SYNE1: variants seen among roughly 807,000 people sequenced by gnomAD.
SYNE1 encodes nesprin-1.
A neutral mutation model predicts 1,111.0 loss-of-function variants in SYNE1; 616 were observed. The ratio of observed to expected loss-of-function variants is 0.55; its 90% confidence interval spans 0.52 to 0.59. The LOEUF is 0.59. Ranked by LOEUF, SYNE1 falls within the 20% of genes least tolerant of loss-of-function variation. SYNE1 has a pLI of 0.00. For missense variants in SYNE1, 10,006 were observed against 10,417.0 expected, an observed-to-expected ratio of 0.96 and a Z score of 1.72; for synonymous variants, 3,855 against 3,825.8, an observed-to-expected ratio of 1.01 and a Z score of -0.28.
At chr6:152,433,179 C>T (rs1308623488) in intron 34 of SYNE1, among the ~76,000 whole-genome samples, 1 of 151,806 alleles carries the variant, frequency 6.6e-6, no homozygotes, top group Non-Finnish European at 1.5e-5. Flanking sequence ...ATAAACACTC[C>T]AAGCCCCTGT....
At chr6:152,529,270 T>C (rs1056916883) in intron 4 of SYNE1, among the ~76,000 whole-genome samples, 1 of 152,238 alleles carries the variant, frequency 6.6e-6, no homozygotes, top group African/African-American at 2.4e-5. Context: ...AGAAGGACTA[T>C]TTTGTCATAA....
At chr6:152,468,053 G>A (rs929160271) in intron 16 of SYNE1, among the ~76,000 whole-genome samples, 1 of 152,048 alleles carries the variant, frequency 6.6e-6, no homozygotes, top group Non-Finnish European at 1.5e-5. Flanking sequence ...CAACAAATAA[G>A]CCATTTTAAT....
chr6:152,236,040 C>A, intron 110 of SYNE1, 67 bp downstream of exon 110: 1 of 1,538,638 alleles, frequency 6.5e-7, no homozygotes, highest in Non-Finnish European at 9.0e-7. Flanking sequence ...TCATCCCCCA[C>A]CCGCACTAGC....
intron 34 of SYNE1, 81 bp from the exon 35 acceptor site, chr6:152,430,790 G>C: frequency 7.6e-7 from 1 of 1,317,862 alleles, no homozygotes. Context: ...CTGCAAAGAG[G>C]GAATATTTTC....
Position 152,358,446 on chromosome 6 carries a change from T to A in SYNE1, c.10535A>T (p.Gln3512Leu). Residue 3512 changes from glutamine (Q) to leucine (L), a missense_variant, in exon 66 of 146, where the codon CAA (glutamine) becomes CTA (leucine). Gln to Leu is a moderately radical substitution (Grantham distance 113). This residue lies in a region of SYNE1 where 4,955 missense variants were observed against 5,017.2 expected (regional missense o/e 0.99). Transcript: ENST00000367255. ...KAFEVWLGQE[Q>L]EKLDQYSVLE... ...AACTGAATACTGGTCGAGCTTTTCT[T>A]GTTCTTGCCCCAACCAAACTTCAAA... The A allele has an allele frequency of 6.2e-7, 1 of 1,614,216 alleles. No homozygotes were observed. Among genetic ancestry groups the A allele is most frequent in the Non-Finnish European group, 8.5e-7 (1 of 1,180,030 alleles).
intron 42 of SYNE1, among the ~76,000 whole-genome samples, chr6:152,411,283 G>GA (rs1400489458): frequency 1.4e-4 from 21 of 152,100 alleles, no homozygotes; most frequent in African/African-American, 5.1e-4. Flanking sequence ...CCTTCAGCCT[G>GA]TACCACACTG....
intron 56 of SYNE1, among the ~76,000 whole-genome samples, chr6:152,378,833 T>C (rs1204344419): frequency 1.3e-5 from 2 of 152,232 alleles, no homozygotes; most frequent in African/African-American, 2.4e-5. Context: ...ATTGGCTTTA[T>C]GCTTGCGTAT....
At chr6:152,596,668 G>A (rs183215487) in intron 3 of SYNE1, among the ~76,000 whole-genome samples, 15 of 152,244 alleles carry the variant, frequency 9.9e-5, no homozygotes, top group East Asian at 9.6e-4. Flanking sequence ...AGTATTGTAC[G>A]TAAGCAGAAT....
At chr6:152,341,199 T>TC (rs2096528188) in intron 74 of SYNE1, among the ~76,000 whole-genome samples, 1 of 152,206 alleles carries the variant, frequency 6.6e-6, no homozygotes, top group Admixed American at 6.5e-5. Flanking sequence ...TTGTGAGTCA[T>TC]CAGCCACTGT....
intron 56 of SYNE1, among the ~76,000 whole-genome samples, chr6:152,379,236 C>T (rs1563533845): frequency 6.6e-6 from 1 of 152,098 alleles, no homozygotes; most frequent in Non-Finnish European, 1.5e-5. Flanking sequence ...TAAATATCAG[C>T]TTATGTATTT....
intron 144 of SYNE1, among the ~76,000 whole-genome samples, chr6:152,131,895 C>A (rs2055813447): frequency 6.6e-6 from 1 of 152,214 alleles, no homozygotes; most frequent in South Asian, 2.1e-4. Flanking sequence ...TCCCTGCATA[C>A]CAGCCACACG....
At chr6:152,261,926 G>T in intron 101 of SYNE1, 106 bp downstream of exon 101, 1 of 939,284 alleles carries the variant, frequency 1.1e-6, no homozygotes, top group Non-Finnish European at 1.5e-6. Context: ...TCATGTCTTA[G>T]TTTGAAATTG....
intron 127 of SYNE1, 120 bp downstream of exon 127, chr6:152,201,704 C>T: frequency 6.8e-7 from 1 of 1,476,350 alleles, no homozygotes; most frequent in African/African-American, 1.4e-5. Context: ...GTCCTTATGT[C>T]ATATACTAGG....
At position 152,130,707 on chromosome 6, in the gene SYNE1, G is replaced by A. The variant is rs750766394; in HGVS notation, c.26153+13C>T. On this transcript the variant is annotated intron_variant, in intron 145 of 145. Coordinates refer to ENST00000367255, the MANE Select transcript of SYNE1 (RefSeq NM_182961.4). ...GGTTCTAGAACAGTGTGGAAACCAG[G>A]AGAAGGAGGTACCTGCTATGTGGAC... 4 of 1,613,926 alleles carry A rather than the reference G, an allele frequency of 2.5e-6. No homozygotes were observed. The highest frequency in any genetic ancestry group is 3.4e-6 in the Non-Finnish European group (4 of 1,179,940).
chr6:152,326,370 C>G lies in SYNE1; in HGVS notation c.15219G>C (p.Gln5073His). Residue 5073 changes from glutamine (Q) to histidine (H), a missense_variant, in exon 79 of 146, where the codon CAG becomes CAC. Physicochemically the swap from Gln to His is conservative, Grantham distance 24 (BLOSUM62 0). Coordinates refer to ENST00000367255, the MANE Select transcript of SYNE1 (RefSeq NM_182961.4). ...TCCTGAGTTCCAGAGAAGCCACTTT[C>G]TGTTCTAGGTCTTCTTTGCCGGTTG... is the stretch of plus-strand genomic sequence containing the variant. ...IKPTGKEDLE[Q>H]KVASLELRSQ... is the part of the protein sequence containing the mutation. The G allele has an allele frequency of 6.2e-7, 1 of 1,614,162 alleles. No individual in the cohort carries two copies. Among genetic ancestry groups the G allele is most frequent in the Non-Finnish European group, 8.5e-7 (1 of 1,180,012 alleles).
intron 95 of SYNE1, among the ~76,000 whole-genome samples, chr6:152,286,493 C>T (rs998441554): frequency 2.0e-5 from 3 of 152,148 alleles, no homozygotes; most frequent in African/African-American, 4.8e-5. Context: ...ATTCCACTGT[C>T]GCCTGGTTGT....
Position 152,318,134 on chromosome 6 carries a change from G to A in SYNE1, c.16519C>T (p.Leu5507Phe). The A allele has an allele frequency of 6.2e-7, 1 of 1,614,214 alleles. No individual in the cohort carries two copies. The highest frequency in any genetic ancestry group is 8.5e-7 in the Non-Finnish European group (1 of 1,180,048). The change falls in exon 86 of 146, where the codon CTT becomes TTT. Residue 5507 changes from leucine (L) to phenylalanine (F), a missense_variant. Coordinates refer to ENST00000367255, the MANE Select transcript of SYNE1 (RefSeq NM_182961.4). ...GCTTGTCTAATGGTCTGCTGGTGAAGTTCAGTCAGTTTTCCTATCTTCTTG... is the reference window on the plus strand; with the variant it reads ...GCTTGTCTAATGGTCTGCTGGTGAAATTCAGTCAGTTTTCCTATCTTCTTG... The part of the protein sequence containing the change: ...LAKKIGKLTE[L>F]HQQTIRQAEN...
In SYNE1 at chr6:152,385,794, C is replaced by A; in HGVS notation, c.8532G>T (p.Met2844Ile). The A allele has an allele frequency of 6.2e-7, 1 of 1,614,024 alleles. No homozygotes were observed. The highest frequency in any genetic ancestry group is 1.1e-5 in the South Asian group (1 of 91,072). The change falls in exon 55 of 146, where the codon ATG becomes ATT. Residue 2844 changes from methionine to isoleucine, a missense_variant. By Grantham distance (10) the Met-to-Ile change is conservative. Around this residue, in one of 7 missense-constraint regions of SYNE1, gnomAD observed 4,955 missense variants for 5,017.2 expected, o/e 0.99. Coordinates refer to ENST00000367255, the MANE Select transcript of SYNE1 (RefSeq NM_182961.4). ...KVEEIVKDHL[M>I]YLDAVHEFTD... The stretch of plus-strand genomic sequence containing the variant: ...TGAACTCGTGGACCGCATCTAAATA[C>A]ATTAGATGATCTTTCACAATCTCTT...
intron 95 of SYNE1, among the ~76,000 whole-genome samples, chr6:152,285,663 C>T (rs1415819541): frequency 1.3e-5 from 2 of 152,200 alleles, no homozygotes. Context: ...AAAAACTCTT[C>T]CCGCTCTGTG....
Sources: gnomAD v4.1 joint callset for allele counts (sites outside exome capture counted in the v4.1 genomes callset) on GRCh38, gnomAD v4.1.1 for gene constraint, gnomAD v4.1.1 regional missense constraint, MANE v1.5 for transcripts, NCBI Gene and HGNC (gene_info 2026-07-23, HGNC 2026-07-21) for gene names.